The following DCHS2 variants were observed in gnomAD, a reference collection of about 807,000 sequenced individuals.
DCHS2 encodes protocadherin-23.
DCHS2 carries 142 observed loss-of-function variants against 182.4 expected under a neutral mutation model. The ratio of observed to expected loss-of-function variants is 0.78; its 90% confidence interval spans 0.68 to 0.89. The LOEUF is 0.89. Ranked by LOEUF, DCHS2 falls within the 40% of genes least tolerant of loss-of-function variation. The probability of loss-of-function intolerance (pLI) is 0.00; values close to 1 mark genes in which losing one functional copy is unlikely to be tolerated. For synonymous variants in DCHS2, 1,740 were observed against 1,663.3 expected, an observed-to-expected ratio of 1.05 and a Z score of -1.12; for missense variants, 4,319 against 4,198.6, an observed-to-expected ratio of 1.03 and a Z score of -0.79.
Position 154,237,109 on chromosome 4 carries a change from T to A in DCHS2, c.7543A>T (p.Thr2515Ser). Reference sequence around the variant, plus strand: ...TCACTGGCTTCCACAAGAAATTGAGTTGTTGATATTGTATCCAGAAGTAAT... The same window carrying A: ...TCACTGGCTTCCACAAGAAATTGAGATGTTGATATTGTATCCAGAAGTAAT... ...PVLLLDTIST[T>S]QFLVEASDGG... The change falls in exon 20 of 20, where the codon ACT (threonine) becomes TCT (serine). Residue 2515 changes from threonine (T) to serine (S), a missense_variant. By Grantham distance (58) the Thr-to-Ser change is moderately conservative. Transcript: ENST00000357232. The A allele has an allele frequency of 6.2e-7, 1 of 1,613,614 alleles. No individual in the cohort carries two copies. The highest frequency in any genetic ancestry group is 8.5e-7 in the Non-Finnish European group (1 of 1,179,844).
chr4:154,394,775 T>C (rs1046360583), intron 1 of DCHS2, among the ~76,000 whole-genome samples: 21 of 152,160 alleles, frequency 1.4e-4, no homozygotes, highest in African/African-American at 5.1e-4. Context: ...GGACAACATA[T>C]TTACCTGGCA....
intron 10 of DCHS2, among the ~76,000 whole-genome samples, chr4:154,311,573 C>T (rs1023691308): frequency 6.6e-6 from 1 of 152,064 alleles, no homozygotes; most frequent in African/African-American, 2.4e-5. Context: ...TGTACAATGT[C>T]CTCACAATCA....
intron 1 of DCHS2, among the ~76,000 whole-genome samples, chr4:154,485,112 T>TA (rs151282932): frequency 0.33 from 29,552 of 90,158 alleles, 3,338 homozygotes; most frequent in Non-Finnish European, 0.43. Flanking sequence ...GCTTTTTTTT[T>TA]TAAATGAACT....
At chr4:154,407,328 G>A (rs768255974) in intron 1 of DCHS2, among the ~76,000 whole-genome samples, 4 of 152,106 alleles carry the variant, frequency 2.6e-5, no homozygotes, top group Admixed American at 1.3e-4. Flanking sequence ...GCTATTGAAA[G>A]GTTTCTATGT....
chr4:154,475,054 A>G (rs1166953877), intron 1 of DCHS2, among the ~76,000 whole-genome samples: 2 of 152,146 alleles, frequency 1.3e-5, no homozygotes, highest in Non-Finnish European at 2.9e-5. Flanking sequence ...TTATAATAAA[A>G]TTAAAGTATT....
chr4:154,489,953 G>A lies in DCHS2; in HGVS notation c.1403C>T (p.Ser468Phe). ...LGVGLGDGSI[S>F]LSLEGGEGDF... ...TCCCTCTCCGCCTTCCAAGGACAGA[G>A]AGATGCTCCCGTCTCCAAGACCCAC... The change falls in exon 1 of 20, where the codon TCT becomes TTT. Residue 468 changes from serine (S) to phenylalanine (F), a missense_variant. Coordinates refer to ENST00000357232, the MANE Select transcript of DCHS2 (RefSeq NM_001358235.2). 6.5e-7 allele frequency: 1 copy of A among 1,543,892 alleles called. No homozygotes were observed. Among genetic ancestry groups the A allele is most frequent in the Non-Finnish European group, 8.8e-7 (1 of 1,142,036 alleles).
Position 154,236,833 on chromosome 4 carries a change from A to G in DCHS2, c.7819T>C (p.Ser2607Pro). Residue 2607 changes from serine (S) to proline (P), a missense_variant, in exon 20 of 20, where the codon TCA (serine) becomes CCA (proline). Coordinates refer to ENST00000357232, the MANE Select transcript of DCHS2 (RefSeq NM_001358235.2). ...NFHVETKFFH[S>P]EYPYKQVGYL... The stretch of plus-strand genomic sequence containing the variant: ...CCGACTTGCTTATAAGGATATTCTG[A>G]ATGAAAGAACTTAGTTTCCACATGA... The G allele has an allele frequency of 6.2e-7, 1 of 1,614,094 alleles. No individual in the cohort carries two copies. The highest frequency in any genetic ancestry group is 8.5e-7 in the Non-Finnish European group (1 of 1,179,976).
At chr4:154,383,099 A>G (rs749822504) in intron 1 of DCHS2, among the ~76,000 whole-genome samples, 1 of 152,226 alleles carries the variant, frequency 6.6e-6, no homozygotes, top group East Asian at 1.9e-4. Flanking sequence ...GGACCCATCA[A>G]TGGTGGATTA....
chr4:154,261,218 G>A (rs1173348858), intron 14 of DCHS2, among the ~76,000 whole-genome samples: 1 of 152,178 alleles, frequency 6.6e-6, no homozygotes, highest in East Asian at 1.9e-4. Flanking sequence ...TTATGCGGTT[G>A]ACATAAAGCT....
intron 1 of DCHS2, among the ~76,000 whole-genome samples, chr4:154,483,158 T>C (rs1027647862): frequency 7.9e-5 from 12 of 152,074 alleles, no homozygotes; most frequent in Admixed American, 7.9e-4. Context: ...GTAATATGTA[T>C]ACATGTATGG....
Position 154,259,545 on chromosome 4 carries a change from C to G in DCHS2, c.6789G>C (p.Gln2263His). 6.2e-7 allele frequency: 1 copy of G among 1,613,294 alleles called. No individual in the cohort carries two copies. The highest frequency in any genetic ancestry group is 8.5e-7 in the Non-Finnish European group (1 of 1,179,882). Residue 2263 changes from glutamine (Q) to histidine (H), a missense_variant and splice_region_variant, in exon 15 of 20, where the codon CAG becomes CAC. Physicochemically the swap from Gln to His is conservative, Grantham distance 24. Transcript: ENST00000357232. ...ESQLYNAHVI[Q>H]VFATDLDSGL... ...ACACACACAAATATATTTCTGTTAC[C>G]TGTATGACATGAGCATTGTAGAGTT... is the stretch of plus-strand genomic sequence containing the variant.
At chr4:154,448,643 A>G (rs1734404611) in intron 1 of DCHS2, among the ~76,000 whole-genome samples, 1 of 152,090 alleles carries the variant, frequency 6.6e-6, no homozygotes, top group Non-Finnish European at 1.5e-5. Flanking sequence ...CATGCTTAAA[A>G]CACTTTGATG....
chr4:154,422,490 T>C (rs1433367199), intron 1 of DCHS2, among the ~76,000 whole-genome samples: 1 of 152,120 alleles, frequency 6.6e-6, no homozygotes, highest in Admixed American at 6.5e-5. Flanking sequence ...CTATTCTCCT[T>C]CTCTATCAGA....
At chr4:154,435,939 T>C (rs1410560724) in intron 1 of DCHS2, among the ~76,000 whole-genome samples, 2 of 152,220 alleles carry the variant, frequency 1.3e-5, no homozygotes, top group Non-Finnish European at 2.9e-5. Flanking sequence ...GTAGGATAGC[T>C]AAGTGTTGAA....
chr4:154,370,590 A>G (rs1469203159), intron 2 of DCHS2, among the ~76,000 whole-genome samples: 1 of 152,194 alleles, frequency 6.6e-6, no homozygotes, highest in Non-Finnish European at 1.5e-5. Flanking sequence ...AGAAGGCTGG[A>G]ATGGATGGGA....
chr4:154,349,842 G>C (rs1054237439), intron 3 of DCHS2, among the ~76,000 whole-genome samples: 4 of 152,176 alleles, frequency 2.6e-5, no homozygotes, highest in Admixed American at 2.6e-4. Flanking sequence ...TTATTTTGGA[G>C]TTTTAGAAAA....
In DCHS2 at chr4:154,433,470, C is replaced by T. The variant is rs1378981748; in HGVS notation, c.2052+55834G>A. On this transcript the variant is annotated intron_variant, in intron 1 of 19. Coordinates refer to ENST00000357232, the MANE Select transcript of DCHS2 (RefSeq NM_001358235.2). ...AGTGCAGTGGCGTGATCTCCGCTCA[C>T]TGCAACCTCTGCTTCCCGTGTTCAA... 3.4e-5 allele frequency among the ~76,000 whole-genome samples: 5 copies of T among 148,086 alleles called. No individual in the cohort carries two copies. The East Asian group carries it at 6.0e-4, about 18-fold the overall frequency.
chr4:154,441,294 G>A (rs1331290929), intron 1 of DCHS2, among the ~76,000 whole-genome samples: 1 of 152,164 alleles, frequency 6.6e-6, no homozygotes, highest in Non-Finnish European at 1.5e-5. Flanking sequence ...GCAACCTGTT[G>A]AGTCTTTGAG....
chr4:154,311,478 T>C (rs1735670374), intron 10 of DCHS2, among the ~76,000 whole-genome samples: 1 of 152,018 alleles, frequency 6.6e-6, no homozygotes, highest in South Asian at 2.1e-4. Context: ...CAAGCAATCC[T>C]CCCACCTCGG....
Sources: allele counts gnomAD v4.1 joint callset (sites outside exome capture counted in the v4.1 genomes callset), GRCh38; gene constraint gnomAD v4.1.1; transcripts MANE v1.5; gene names NCBI Gene and HGNC (gene_info 2026-07-23, HGNC 2026-07-21).